The following KLHL35 variants were observed in gnomAD, a reference collection of about 807,000 sequenced individuals.
KLHL35 encodes kelch-like protein 35.
In KLHL35, 50 loss-of-function variants were observed where a neutral mutation model predicts 44.0. That is an observed-to-expected ratio of 1.14 (90% CI 0.91 to 1.44). KLHL35 has a LOEUF of 1.44. Among genes scored for constraint, KLHL35 ranks in the 40% most tolerant of loss-of-function variants. KLHL35 has a pLI of 0.00. For missense variants in KLHL35, 1,049 were observed against 887.8 expected (o/e 1.18, Z -2.31); for synonymous variants, 470 against 410.4 (o/e 1.15, Z -1.76).
chr11:75,422,824 C>T, intron 6 of KLHL35, 56 bp from the exon 7 acceptor site: 1 of 1,522,972 alleles, frequency 6.6e-7, no homozygotes. Context: ...TTCCTCTGTC[C>T]CTGCCTGGCC....
In KLHL35 at chr11:75,430,568, G is replaced by T; in HGVS notation, c.62C>A (p.Pro21Gln). The change falls in exon 2 of 7, where the codon CCG (proline) becomes CAG (glutamine). Residue 21 changes from proline (P) to glutamine (Q), a missense_variant. Transcript: ENST00000539798. ...CTGCAGCACGCGCTGCGCGTGGCAC[G>T]GACCCGCGCACGGCGCTTCGCAGCC... ...EPGCEAPCAG[P>Q]CHAQRVLQAL... The T allele has an allele frequency of 6.9e-7, 1 of 1,451,304 alleles. No homozygotes were observed. The highest frequency in any genetic ancestry group is 9.0e-7 in the Non-Finnish European group (1 of 1,107,026). The allele number at this position is 1,451,304 out of a possible 1,614,324, so 89.9% of individuals were successfully genotyped here.
Position 75,422,463 on chromosome 11 carries a change from A to C in KLHL35, c.*117T>G. On this transcript the variant is annotated 3_prime_UTR_variant, in exon 7 of 7. Coordinates refer to ENST00000539798, the MANE Select transcript of KLHL35 (RefSeq NM_001039548.3). ...AGACCCAACAAGATTTTATTTATAC[A>C]AGAAAAGGGACCATTAAGTTAAGGG... The C allele has an allele frequency of 1.1e-6, 1 of 892,324 alleles. No homozygotes were observed. The highest frequency in any genetic ancestry group is 1.7e-6 in the Non-Finnish European group (1 of 593,958). 55.3% of individuals were successfully genotyped at this position (892,324 alleles called of 1,614,324 possible).
intron 3 of KLHL35, among the ~76,000 whole-genome samples, chr11:75,428,088 C>A (rs1357109091): frequency 6.6e-6 from 1 of 152,174 alleles, no homozygotes; most frequent in African/African-American, 2.4e-5. Context: ...CCTCTCCGAG[C>A]CTTTCTTATC....
intron 2 of KLHL35, 60 bp from the exon 3 acceptor site, chr11:75,428,686 C>T: frequency 1.4e-6 from 2 of 1,431,152 alleles, no homozygotes; most frequent in Non-Finnish European, 9.4e-7. Flanking sequence ...CCTCTCTTAC[C>T]CTCTCGACCA....
chr11:75,433,184 G>A lies in KLHL35; in HGVS notation c.-143C>T, dbSNP rs766273444. On this transcript the variant is annotated 5_prime_UTR_variant, in exon 1 of 7. Coordinates refer to ENST00000539798, the MANE Select transcript of KLHL35 (RefSeq NM_001039548.3). Reference sequence around the variant, plus strand: ...CCAGACTCCCGTTTGCTGTTCGCTCGGGCTCAGCTGCGGGAGGACAAAGGG... The same window carrying A: ...CCAGACTCCCGTTTGCTGTTCGCTCAGGCTCAGCTGCGGGAGGACAAAGGG... Among the ~76,000 whole-genome samples the A allele has an allele frequency of 7.2e-5, 11 of 152,160 alleles. No individual in the cohort carries two copies. The highest frequency in any genetic ancestry group is 1.5e-4 in the Non-Finnish European group (10 of 68,032).
At position 75,429,815 on chromosome 11, in the gene KLHL35, A is replaced by G. The variant is rs1370297053; in HGVS notation, c.815T>C (p.Leu272Pro). 4 of 1,511,698 alleles carry G rather than the reference A, an allele frequency of 2.6e-6. No homozygotes were observed. In the Admixed American group the frequency reaches 8.3e-5, roughly 31 times the overall value. The allele number at this position is 1,511,698 out of a possible 1,614,324, so 93.6% of individuals were successfully genotyped here. ...LQACGECRPL[L>P]LEARACFILG... ...GATGAAGCAGGCGCGAGCCTCGAGCAGCAGCGGGCGGCACTCGCCGCAGGC... is the reference window on the plus strand; with the variant it reads ...GATGAAGCAGGCGCGAGCCTCGAGCGGCAGCGGGCGGCACTCGCCGCAGGC... The change falls in exon 2 of 7, where the codon CTG (leucine) becomes CCG (proline). Residue 272 changes from leucine (L) to proline (P), a missense_variant. Leu to Pro is a moderately conservative substitution (Grantham distance 98, BLOSUM62 -3). Transcript: ENST00000539798.
intron 1 of KLHL35, among the ~76,000 whole-genome samples, chr11:75,431,146 A>G (rs1427068478): frequency 6.6e-6 from 1 of 152,162 alleles, no homozygotes; most frequent in Non-Finnish European, 1.5e-5. Context: ...AGGCTGCCCC[A>G]CAGAGACCCA....
chr11:75,431,822 T>A (rs538451), intron 1 of KLHL35, among the ~76,000 whole-genome samples: 109,618 of 152,068 alleles, frequency 0.72, 40,191 homozygotes, highest in African/African-American at 0.85. Context: ...CAGTACGAGC[T>A]ACATGGGTGT....
chr11:75,428,328 G>A, intron 3 of KLHL35, 114 bp downstream of exon 3: 1 of 1,240,924 alleles, frequency 8.1e-7, no homozygotes, highest in South Asian at 1.5e-5. Context: ...ATAACTGTAG[G>A]TTATCAGAAA....
chr11:75,423,691 C>G lies in KLHL35; in HGVS notation c.1563+1G>C, dbSNP rs202215623. ...TCTCCTGCCTTGAAGCCTCCACTTA[C>G]CACAGGGCTGGGGAGGACAGCTGCC... On this transcript the variant is annotated splice_donor_variant, in intron 6 of 6. Transcript: ENST00000539798. LOFTEE classifies it high-confidence loss of function. 236 of 1,613,142 alleles carry G rather than the reference C, an allele frequency of 1.5e-4. No homozygotes were observed. The highest frequency in any genetic ancestry group is 1.8e-4 in the Non-Finnish European group (217 of 1,179,554).
intron 1 of KLHL35, among the ~76,000 whole-genome samples, 96 bp downstream of exon 1, chr11:75,432,947 C>T (rs1471931846): frequency 1.3e-5 from 2 of 152,234 alleles, no homozygotes; most frequent in East Asian, 1.9e-4. Context: ...ATTACCCAAG[C>T]ACCTCCTCCG....
intron 1 of KLHL35, among the ~76,000 whole-genome samples, chr11:75,430,946 T>C (rs1360932321): frequency 6.6e-6 from 1 of 152,226 alleles, no homozygotes; most frequent in Non-Finnish European, 1.5e-5. Context: ...ATAAAGGAAC[T>C]ATTTTCAACA....
At chr11:75,431,220 G>A (rs903133450) in intron 1 of KLHL35, among the ~76,000 whole-genome samples, 9 of 152,200 alleles carry the variant, frequency 5.9e-5, no homozygotes, top group Non-Finnish European at 1.3e-4. Flanking sequence ...AATCCAGCCT[G>A]TCTCCTGCCG....
Position 75,430,503 on chromosome 11 carries a change from C to G in KLHL35, c.127G>C (p.Val43Leu). Residue 43 changes from valine to leucine, a missense_variant, in exon 2 of 7, where the codon GTG becomes CTG. By Grantham distance (32) the Val-to-Leu change is conservative. Coordinates refer to ENST00000539798, the MANE Select transcript of KLHL35 (RefSeq NM_001039548.3). ...TCGCGCCCGCCGGCGCGCAGCACCA[C>G]GTCGGTGAGGGTGCCGCTCCGCCGG... is the stretch of plus-strand genomic sequence containing the variant. ...AYRRSGTLTD[V>L]VLRAGGRDFP... The G allele has an allele frequency of 6.9e-7, 1 of 1,440,134 alleles. No individual in the cohort carries two copies. The highest frequency in any genetic ancestry group is 9.1e-7 in the Non-Finnish European group (1 of 1,100,788). The allele number at this position is 1,440,134 out of a possible 1,614,324, so 89.2% of individuals were successfully genotyped here. A position where few individuals can be genotyped will look rare whatever the true frequency, so the allele number is the denominator to read the frequency against.
Position 75,430,403 on chromosome 11 carries a change from TCGGGCCGCCCGGCCGCGAACAAGCTG to T in KLHL35, c.201_226del (p.Ser68AlafsTer121), listed in dbSNP as rs756778027. 6.5e-3 allele frequency: 8,883 copies of T among 1,376,146 alleles called. 46 individuals carry two copies. Among genetic ancestry groups the T allele is most frequent in the Middle Eastern group, 7.9e-3 (32 of 4,076 alleles). The allele number at this position is 1,376,146 out of a possible 1,614,324, so 85.2% of individuals were successfully genotyped here. On this transcript the variant is annotated frameshift_variant, in exon 2 of 7. Transcript: ENST00000539798. LOFTEE classifies it high-confidence loss of function. Reference sequence around the variant, plus strand: ...CACTGGCACCACGGCCGGGCCGCGCTCGGGCCGCCCGGCCGCGAACAAGCTGCGGAAGTAGGCGCTGCCCGCGCTGA... The same window carrying T: ...CACTGGCACCACGGCCGGGCCGCGCTCGGAAGTAGGCGCTGCCCGCGCTGA...
intron 3 of KLHL35, 54 bp from the exon 4 acceptor site, chr11:75,426,692 C>T (rs1000280427): frequency 4.7e-6 from 6 of 1,266,596 alleles, no homozygotes; most frequent in Non-Finnish European, 6.6e-6. Flanking sequence ...TCCCAAGCAC[C>T]CCCAAAGAGC....
At chr11:75,428,886 G>A (rs1948512356) in intron 2 of KLHL35, among the ~76,000 whole-genome samples, 1 of 152,088 alleles carries the variant, frequency 6.6e-6, no homozygotes, top group Non-Finnish European at 1.5e-5. Flanking sequence ...CAGAGCCCTT[G>A]CCCTCACCTA....
rs762036999 is a variant in KLHL35, at chr11:75,425,422, C to T, written c.1345G>A (p.Ala449Thr). The T allele has an allele frequency of 7.0e-6, 11 of 1,564,480 alleles. 1 individual carries two copies. Among genetic ancestry groups the T allele is most frequent in the South Asian group, 4.6e-5 (4 of 86,126 alleles). The stretch of plus-strand genomic sequence containing the variant: ...TCCGTGTTGACGCCGCCCTGCCTGG[C>T]GCCCCCAATCACGAAGAGCTTGCCC... ...CAGKLFVIGGARQGGVNTDKV... is the reference protein window; with the variant it reads ...CAGKLFVIGGTRQGGVNTDKV... The change falls in exon 5 of 7, where the codon GCC becomes ACC. Residue 449 changes from alanine to threonine, a missense_variant. Transcript: ENST00000539798.
At position 75,423,427 on chromosome 11, in the gene KLHL35, T is replaced by C. The variant is rs1179725227; in HGVS notation, c.1563+265A>G. Reference sequence around the variant, plus strand: ...AGACCACAGGGTCATTTGGACCAAATCCCCACTCAAAGCTATAGCACTTGG... The same window carrying C: ...AGACCACAGGGTCATTTGGACCAAACCCCCACTCAAAGCTATAGCACTTGG... On this transcript the variant is annotated intron_variant, in intron 6 of 6. Coordinates refer to ENST00000539798, the MANE Select transcript of KLHL35 (RefSeq NM_001039548.3). The C allele has an allele frequency of 1.1e-5, 5 of 441,678 alleles. No homozygotes were observed. The Admixed American group carries it at 1.9e-4, about 17-fold the overall frequency. 27.4% of individuals were successfully genotyped at this position (441,678 alleles called of 1,614,324 possible). A position where few individuals can be genotyped will look rare whatever the true frequency, so the allele number is the denominator to read the frequency against.
Sources: allele counts gnomAD v4.1 joint callset (sites outside exome capture counted in the v4.1 genomes callset), GRCh38; gene constraint gnomAD v4.1.1; transcripts MANE v1.5; gene names NCBI Gene and HGNC (gene_info 2026-07-23, HGNC 2026-07-21).